The following AFG2A variants were observed in gnomAD, a reference collection of about 807,000 sequenced individuals.
AFG2A encodes the protein ATPase family gene 2 protein homolog A.
the AFG2A span, among the ~76,000 whole-genome samples, chr4:123,154,264 T>A: frequency 6.6e-6 from 1 of 152,154 alleles, no homozygotes; most frequent in Admixed American, 6.5e-5. Flanking sequence ...AAAGATACTT[T>A]ACTGTTTAAT....
At chr4:123,047,966 C>T in the AFG2A span, among the ~76,000 whole-genome samples, 1 of 152,096 alleles carries the variant, frequency 6.6e-6, no homozygotes, top group Non-Finnish European at 1.5e-5. Flanking sequence ...TCCTGAGTTG[C>T]TGGGATTACA....
the AFG2A span, chr4:123,317,124 C>G: frequency 6.7e-6 from 1 of 149,250 alleles, no homozygotes; most frequent in East Asian, 2.0e-4. Flanking sequence ...ACTCGGGAGG[C>G]TGAGGCAGGA....
At chr4:123,039,312 A>G in the AFG2A span, among the ~76,000 whole-genome samples, 3 of 152,150 alleles carry the variant, frequency 2.0e-5, no homozygotes, top group Non-Finnish European at 4.4e-5. Context: ...TAGAGTTGGC[A>G]TGATGGTAAT....
chr4:122,940,033 G>A, the AFG2A span, among the ~76,000 whole-genome samples: 1 of 152,176 alleles, frequency 6.6e-6, no homozygotes, highest in East Asian at 1.9e-4. Flanking sequence ...GTCTGTCATT[G>A]TGGGACATTT....
the AFG2A span, among the ~76,000 whole-genome samples, chr4:123,118,177 C>T: frequency 6.6e-6 from 1 of 150,722 alleles, no homozygotes; most frequent in Non-Finnish European, 1.5e-5. Context: ...TTCCTTGTTC[C>T]TTCTACCACT....
At chr4:123,200,251 TTACTC>T in the AFG2A span, among the ~76,000 whole-genome samples, 2,219 of 152,320 alleles carry the variant, frequency 0.015, 60 homozygotes, top group African/African-American at 0.05. Flanking sequence ...CTAGCACTGA[TTACTC>T]TATTCCAAAA....
the AFG2A span, among the ~76,000 whole-genome samples, chr4:123,220,624 A>C: frequency 1.3e-5 from 2 of 151,236 alleles, no homozygotes; most frequent in African/African-American, 2.4e-5. Flanking sequence ...AAAAAAAAAA[A>C]AAAAAAAAAA....
chr4:123,199,462 GTTTTTTTTTTTT>G, the AFG2A span, among the ~76,000 whole-genome samples: 2 of 47,412 alleles, frequency 4.2e-5, no homozygotes, highest in Non-Finnish European at 8.9e-5. Context: ...ATACTCAGAG[GTTTTTTTTTTTT>G]TTTTTTTTTT....
chr4:123,071,485 C>CAA, the AFG2A span, among the ~76,000 whole-genome samples: 2 of 139,954 alleles, frequency 1.4e-5, no homozygotes, highest in African/African-American at 5.3e-5. Context: ...CGTCCCCCTC[C>CAA]AAAAAAAAAA....
the AFG2A span, among the ~76,000 whole-genome samples, chr4:123,269,261 A>G: frequency 3.9e-5 from 6 of 152,202 alleles, no homozygotes; most frequent in Admixed American, 2.0e-4. Flanking sequence ...CCTGTCCTGC[A>G]TGCCTCTTCC....
the AFG2A span, among the ~76,000 whole-genome samples, chr4:122,962,540 A>C: frequency 7.9e-4 from 120 of 152,310 alleles, no homozygotes; most frequent in African/African-American, 2.7e-3. Flanking sequence ...TTTGTTTCAG[A>C]AAAAGAGGTG....
At chr4:123,198,757 C>T in the AFG2A span, among the ~76,000 whole-genome samples, 4 of 152,148 alleles carry the variant, frequency 2.6e-5, no homozygotes, top group African/African-American at 7.2e-5. Flanking sequence ...CCTGAAATTA[C>T]CTTTGCTAAA....
chr4:123,051,679 T>C, the AFG2A span, among the ~76,000 whole-genome samples: 1 of 147,138 alleles, frequency 6.8e-6, no homozygotes, highest in Non-Finnish European at 1.5e-5. Flanking sequence ...AAAGTCTTTA[T>C]CTGGCCTTTA....
At chr4:123,114,737 G>A in the AFG2A span, among the ~76,000 whole-genome samples, 18 of 152,204 alleles carry the variant, frequency 1.2e-4, no homozygotes, top group East Asian at 1.9e-4. Flanking sequence ...CAGAGCTCCC[G>A]CCAGTCCCTG....
the AFG2A span, among the ~76,000 whole-genome samples, chr4:123,297,245 C>A: frequency 6.6e-6 from 1 of 152,204 alleles, no homozygotes; most frequent in African/African-American, 2.4e-5. Flanking sequence ...ATACTGGAAT[C>A]ATCATTCAAA....
the AFG2A span, among the ~76,000 whole-genome samples, chr4:123,059,705 T>A: frequency 1.3e-5 from 2 of 151,220 alleles, no homozygotes; most frequent in African/African-American, 4.8e-5. Context: ...TATTTCTAGT[T>A]CTAGATCCCT....
chr4:122,979,402 C>A, the AFG2A span: 1 of 1,612,510 alleles, frequency 6.2e-7, no homozygotes, highest in South Asian at 1.1e-5. Flanking sequence ...TCATTTATGT[C>A]CCACACTAGC....
At chr4:123,315,230 C>T in the AFG2A span, 1 of 151,176 alleles carries the variant, frequency 6.6e-6, no homozygotes, top group Non-Finnish European at 1.5e-5. Flanking sequence ...GTCGCCCAGG[C>T]TAGAGTGCAG....
the AFG2A span, among the ~76,000 whole-genome samples, chr4:123,264,899 A>T: frequency 6.6e-6 from 1 of 152,184 alleles, no homozygotes; most frequent in African/African-American, 2.4e-5. Context: ...TGTATAAGGA[A>T]TCCCTTAGGG....
Sources: gnomAD v4.1 joint callset for allele counts (sites outside exome capture counted in the v4.1 genomes callset) on GRCh38, gnomAD v4.1.1 for gene constraint, MANE v1.5 for transcripts, NCBI Gene and HGNC (gene_info 2026-07-23, HGNC 2026-07-21) for gene names.